HUNK: variants seen among roughly 807,000 people sequenced by gnomAD.
HUNK encodes the protein hormonally up-regulated Neu-associated kinase, also known as hormonally up-regulated neu tumor-associated kinase.
A neutral mutation model predicts 61.0 loss-of-function variants in HUNK; 21 were observed. The observed-to-expected ratio is 0.34, with a 90% CI of 0.24 to 0.50. HUNK has a LOEUF of 0.50. Among genes scored for constraint, HUNK ranks in the 20% least tolerant of loss-of-function variants. HUNK has a pLI of 0.98. For missense variants in HUNK, 772 were observed against 945.7 expected (o/e 0.82, Z 2.41); for synonymous variants, 371 against 386.1 (o/e 0.96, Z 0.46).
Position 31,990,176 on chromosome 21 carries a change from G to A in HUNK, c.1305G>A (p.Gln435=). ...WTRDLEFHAV[Q]DKKPKEQEKR... is the part of the protein sequence containing the mutation. Reference sequence around the variant, plus strand: ...GAGATCTTGAATTCCATGCCGTGCAGGTAAGAACTTGGGGGATTATTATGT... The same window carrying A: ...GAGATCTTGAATTCCATGCCGTGCAAGTAAGAACTTGGGGGATTATTATGT... Residue 435 remains glutamine, a splice_region_variant and synonymous_variant, in exon 9 of 11, where the codon CAG becomes CAA. Transcript: ENST00000270112. The A allele has an allele frequency of 6.2e-7, 1 of 1,613,516 alleles. No individual in the cohort carries two copies. The highest frequency in any genetic ancestry group is 8.5e-7 in the Non-Finnish European group (1 of 1,179,552).
chr21:31,991,466 GC>G (rs1305332284), intron 9 of HUNK, among the ~76,000 whole-genome samples: 1 of 152,142 alleles, frequency 6.6e-6, no homozygotes, highest in East Asian at 1.9e-4. Flanking sequence ...TGATCTGCCT[GC>G]CTCGGCCTCC....
chr21:31,979,512 ATTCTTT>A lies in HUNK; in HGVS notation c.1174-4011_1174-4006del, dbSNP rs2053077407. Among the ~76,000 whole-genome samples, 2 of 99,508 alleles carry A rather than the reference ATTCTTT, an allele frequency of 2.0e-5. 1 individual carries two copies. The highest frequency in any genetic ancestry group is 3.9e-5 in the Non-Finnish European group (2 of 50,740). 65.3% of individuals were successfully genotyped at this position (99,508 alleles called of 152,430 possible). ...GTTTTCTGGCTATTGAGTTGTTTGC[ATTCTTT>A]TTTTTTTTTTTTTTTTTTTTTTTTT... On this transcript the variant is annotated intron_variant, in intron 7 of 10. Coordinates refer to ENST00000270112, the MANE Select transcript of HUNK (RefSeq NM_014586.2).
At chr21:31,891,486 A>G (rs1483681923) in intron 1 of HUNK, among the ~76,000 whole-genome samples, 1 of 152,262 alleles carries the variant, frequency 6.6e-6, no homozygotes, top group African/African-American at 2.4e-5. Context: ...GACTGGTACA[A>G]GAGCAGGTTA....
chr21:31,918,037 C>T (rs572528777), intron 1 of HUNK, among the ~76,000 whole-genome samples: 1 of 152,284 alleles, frequency 6.6e-6, no homozygotes, highest in South Asian at 2.1e-4. Context: ...CTTTGTTTTG[C>T]CTGCAAACCT....
chr21:31,876,821 A>T (rs1260901804), intron 1 of HUNK, among the ~76,000 whole-genome samples: 3 of 152,072 alleles, frequency 2.0e-5, no homozygotes, highest in South Asian at 4.1e-4. Context: ...TATTTTTTAA[A>T]TTTTTTATAA....
At chr21:31,914,954 C>A (rs1156370793) in intron 1 of HUNK, among the ~76,000 whole-genome samples, 1 of 152,110 alleles carries the variant, frequency 6.6e-6, no homozygotes, top group Non-Finnish European at 1.5e-5. Flanking sequence ...CTGAATTATC[C>A]TCCCCTCCCC....
chr21:31,938,192 C>G (rs2052744535), intron 2 of HUNK, among the ~76,000 whole-genome samples: 1 of 152,190 alleles, frequency 6.6e-6, no homozygotes, highest in South Asian at 2.1e-4. Context: ...AACCCCTGCC[C>G]ACCCCGCAAC....
intron 1 of HUNK, among the ~76,000 whole-genome samples, chr21:31,882,760 A>G (rs981543033): frequency 6.6e-6 from 1 of 152,166 alleles, no homozygotes; most frequent in African/African-American, 2.4e-5. Flanking sequence ...TAGTTCTTCT[A>G]TCTATGTATG....
At chr21:31,946,745 G>A (rs1041995439) in intron 4 of HUNK, among the ~76,000 whole-genome samples, 3 of 152,048 alleles carry the variant, frequency 2.0e-5, no homozygotes, top group Admixed American at 6.6e-5. Flanking sequence ...CTCCCAAGTA[G>A]CTGAGATTAC....
chr21:31,891,918 G>C (rs141506095), intron 1 of HUNK, among the ~76,000 whole-genome samples: 48 of 152,118 alleles, frequency 3.2e-4, no homozygotes, highest in Non-Finnish European at 5.3e-4. Context: ...TCTTTGCATT[G>C]GGTAGGGATA....
At chr21:31,913,784 T>A (rs73361272) in intron 1 of HUNK, among the ~76,000 whole-genome samples, 11,958 of 151,514 alleles carry the variant, frequency 0.079, 762 homozygotes, top group African/African-American at 0.17. Flanking sequence ...GGGAGGCTAC[T>A]GGGGGAGAAG....
At chr21:31,953,258 T>G (rs1261733153) in intron 4 of HUNK, among the ~76,000 whole-genome samples, 13 of 152,018 alleles carry the variant, frequency 8.6e-5, no homozygotes, top group Non-Finnish European at 1.6e-4. Context: ...TTTTTTTTTT[T>G]TGGGATGGAG....
At chr21:31,960,568 T>A (rs553975377) in intron 5 of HUNK, among the ~76,000 whole-genome samples, 1 of 152,214 alleles carries the variant, frequency 6.6e-6, no homozygotes, top group Non-Finnish European at 1.5e-5. Flanking sequence ...GAAAGAGGTT[T>A]AATAGACTCA....
At chr21:31,966,117 C>CCTT (rs1345991636) in intron 5 of HUNK, among the ~76,000 whole-genome samples, 1 of 152,108 alleles carries the variant, frequency 6.6e-6, no homozygotes, top group Non-Finnish European at 1.5e-5. Context: ...TGCCTTTGCA[C>CCTT]CTTCATAGCT....
At chr21:31,920,890 T>C (rs936869994) in intron 1 of HUNK, among the ~76,000 whole-genome samples, 3 of 152,008 alleles carry the variant, frequency 2.0e-5, no homozygotes, top group Non-Finnish European at 4.4e-5. Flanking sequence ...GGTGGCTCAT[T>C]CCTATAATCC....
At chr21:31,886,374 C>T (rs980034787) in intron 1 of HUNK, among the ~76,000 whole-genome samples, 1 of 148,768 alleles carries the variant, frequency 6.7e-6, no homozygotes, top group Non-Finnish European at 1.5e-5. Context: ...TGCAGCGAGC[C>T]GAGATTGCGC....
intron 5 of HUNK, among the ~76,000 whole-genome samples, chr21:31,966,719 A>G (rs1394727920): frequency 1.3e-5 from 2 of 152,226 alleles, no homozygotes; most frequent in African/African-American, 4.8e-5. Flanking sequence ...AGGACATTTT[A>G]TGGCTTCTCC....
At chr21:31,987,568 G>C (rs558950734) in intron 8 of HUNK, among the ~76,000 whole-genome samples, 17 of 152,314 alleles carry the variant, frequency 1.1e-4, no homozygotes, top group Middle Eastern at 3.4e-3. Context: ...TATTTCCTCT[G>C]TCCTGAAGAC....
intron 1 of HUNK, among the ~76,000 whole-genome samples, chr21:31,901,175 C>T (rs2052464666): frequency 6.6e-6 from 1 of 152,206 alleles, no homozygotes. Flanking sequence ...ACCTTCTGAG[C>T]TGCTGGGGGT....
Sources: gnomAD v4.1 joint callset for allele counts (sites outside exome capture counted in the v4.1 genomes callset) on GRCh38, gnomAD v4.1.1 for gene constraint, MANE v1.5 for transcripts, NCBI Gene and HGNC (gene_info 2026-07-23, HGNC 2026-07-21) for gene names.